The following DIS3L2 variants were observed in gnomAD, a reference collection of about 807,000 sequenced individuals.
The protein encoded by DIS3L2 is DIS3 like 3'-5' exoribonuclease 2, also known as DIS3-like exonuclease 2.
In DIS3L2, 34 loss-of-function variants were observed where a neutral mutation model predicts 97.5. The ratio of observed to expected loss-of-function variants is 0.35; its 90% confidence interval spans 0.27 to 0.46. DIS3L2 has a LOEUF of 0.46. Ranked by LOEUF, DIS3L2 falls within the 20% of genes least tolerant of loss-of-function variation. The pLI is 1.00. For missense variants in DIS3L2, 1,038 were observed against 1,146.0 expected (o/e 0.91, Z 1.36); for synonymous variants, 435 against 445.2 (o/e 0.98, Z 0.29).
At chr2:232,155,166 C>G (rs141627721) in intron 8 of DIS3L2, among the ~76,000 whole-genome samples, 6 of 143,778 alleles carry the variant, frequency 4.2e-5, no homozygotes, top group African/African-American at 1.8e-4. Context: ...CCGTCTTCTG[C>G]GTCGCTCACG....
chr2:232,071,550 G>A (rs991193180), intron 5 of DIS3L2, among the ~76,000 whole-genome samples: 1 of 151,712 alleles, frequency 6.6e-6, no homozygotes, highest in South Asian at 2.1e-4. Context: ...AAAGAAACCT[G>A]TTATTGAGCT....
intron 7 of DIS3L2, among the ~76,000 whole-genome samples, chr2:232,135,900 C>T (rs1574901912): frequency 1.3e-5 from 2 of 152,198 alleles, no homozygotes; most frequent in Non-Finnish European, 2.9e-5. Flanking sequence ...GACTCACTTT[C>T]TCAGAGAATA....
chr2:232,155,296 C>A (rs1466632323), intron 8 of DIS3L2, among the ~76,000 whole-genome samples: 1 of 152,134 alleles, frequency 6.6e-6, no homozygotes, highest in African/African-American at 2.4e-5. Context: ...ATATCAGGTC[C>A]ATCACTTCAC....
At chr2:232,342,323 C>T (rs959805391) in intron 13 of DIS3L2, among the ~76,000 whole-genome samples, 1 of 148,526 alleles carries the variant, frequency 6.7e-6, no homozygotes, top group African/African-American at 2.4e-5. Flanking sequence ...ATACACATAG[C>T]TTCAAATTCA....
chr2:232,220,181 C>T (rs1055336206), intron 10 of DIS3L2, among the ~76,000 whole-genome samples: 4 of 151,670 alleles, frequency 2.6e-5, no homozygotes, highest in East Asian at 1.9e-4. Flanking sequence ...TAGTGATGTG[C>T]GTCTGTAGTC....
At chr2:232,233,928 C>CCAAAAGAG (rs892729723) in intron 10 of DIS3L2, among the ~76,000 whole-genome samples, 70 of 152,270 alleles carry the variant, frequency 4.6e-4, no homozygotes, top group African/African-American at 1.5e-3. Context: ...ACAACGGGAA[C>CCAAAAGAG]CAAAAGAGCC....
At chr2:232,028,903 C>T (rs1488188092) in intron 4 of DIS3L2, among the ~76,000 whole-genome samples, 1 of 152,136 alleles carries the variant, frequency 6.6e-6, no homozygotes, top group Non-Finnish European at 1.5e-5. Context: ...CATAGCTAAA[C>T]TGGAAATTGA....
chr2:232,041,046 T>G, intron 5 of DIS3L2, among the ~76,000 whole-genome samples: 1 of 152,186 alleles, frequency 6.6e-6, no homozygotes, highest in Non-Finnish European at 1.5e-5. Context: ...AACTAAAAGC[T>G]TAGTGTTAGT....
At chr2:232,154,830 G>A (rs1357601909) in intron 8 of DIS3L2, among the ~76,000 whole-genome samples, 3 of 116,148 alleles carry the variant, frequency 2.6e-5, no homozygotes, top group Non-Finnish European at 5.3e-5. Flanking sequence ...TTTGATCTCA[G>A]ACTGCTGTGC....
intron 7 of DIS3L2, among the ~76,000 whole-genome samples, chr2:232,132,397 AC>A (rs1210692777): frequency 2.0e-5 from 3 of 152,172 alleles, no homozygotes; most frequent in Non-Finnish European, 2.9e-5. Flanking sequence ...GATGGCATAG[AC>A]CTATTTTTTC....
Position 232,293,800 on chromosome 2 carries a change from G to A in DIS3L2, c.1660-6240G>A, listed in dbSNP as rs189269379. 1.3e-3 allele frequency among the ~76,000 whole-genome samples: 194 copies of A among 152,332 alleles called. 1 individual carries two copies. Among genetic ancestry groups the A allele is most frequent in the Non-Finnish European group, 2.2e-3 (150 of 68,036 alleles). On this transcript the variant is annotated intron_variant, in intron 13 of 20. Transcript: ENST00000325385. The surrounding 1 kb of genome is among the most constrained non-coding windows in gnomAD (Gnocchi z 4.6). Reference sequence around the variant, plus strand: ...TTCATATCTCCAAAAGCAGGAAGCCGTCAAAGGTACTAAAGAGGGAAGTGT... The same window carrying A: ...TTCATATCTCCAAAAGCAGGAAGCCATCAAAGGTACTAAAGAGGGAAGTGT...
Position 232,189,107 on chromosome 2 carries a change from G to A in DIS3L2, c.1125-21219G>A, listed in dbSNP as rs567070293. On this transcript the variant is annotated intron_variant, in intron 9 of 20. Transcript: ENST00000325385. ...AATACCAAGTGCTGGCGAGGGTGCAGAGAAAGTGGATCACTCAAACGTTGC... is the reference window on the plus strand; with the variant it reads ...AATACCAAGTGCTGGCGAGGGTGCAAAGAAAGTGGATCACTCAAACGTTGC... Among the ~76,000 whole-genome samples the A allele has an allele frequency of 2.6e-5, 4 of 152,342 alleles. No individual in the cohort carries two copies. In the South Asian group the frequency reaches 8.3e-4, roughly 32 times the overall value.
chr2:232,105,058 T>G (rs1211363040), intron 6 of DIS3L2, among the ~76,000 whole-genome samples: 1 of 152,178 alleles, frequency 6.6e-6, no homozygotes, highest in Non-Finnish European at 1.5e-5. Flanking sequence ...GATCAAGTGG[T>G]CCGCCTGCCC....
At chr2:232,099,760 T>A (rs545459712) in intron 6 of DIS3L2, among the ~76,000 whole-genome samples, 6 of 152,300 alleles carry the variant, frequency 3.9e-5, no homozygotes, top group African/African-American at 1.4e-4. Context: ...ATTATACTAA[T>A]TGGTCTGTTC....
Position 231,990,325 on chromosome 2 carries a change from C to T in DIS3L2, c.-93-24510C>T, listed in dbSNP as rs185166198. On this transcript the variant is annotated intron_variant, in intron 1 of 20. Transcript: ENST00000325385. ...CTAAAGTACTTGTGTTTGACTTGTG[C>T]TTTTTGCCACTCTCCCTAGAATTTG... Among the ~76,000 whole-genome samples, 991 of 152,188 alleles carry T rather than the reference C, an allele frequency of 6.5e-3. 5 individuals carry two copies. Among genetic ancestry groups the T allele is most frequent in the Middle Eastern group, 0.02 (6 of 294 alleles).
chr2:232,121,496 C>A (rs1360710406), intron 6 of DIS3L2, among the ~76,000 whole-genome samples: 1 of 152,206 alleles, frequency 6.6e-6, no homozygotes, highest in Non-Finnish European at 1.5e-5. Flanking sequence ...CCAGCCCAGA[C>A]CTTCCTTTCT....
At chr2:232,087,758 T>A in intron 6 of DIS3L2, 37 bp downstream of exon 6, 4 of 1,471,988 alleles carry the variant, frequency 2.7e-6, no homozygotes, top group Non-Finnish European at 3.8e-6. Context: ...TTTTTTTAAG[T>A]ACACTGATTA....
intron 9 of DIS3L2, among the ~76,000 whole-genome samples, chr2:232,204,544 G>A (rs1691979079): frequency 6.6e-6 from 1 of 152,104 alleles, no homozygotes; most frequent in Non-Finnish European, 1.5e-5. Context: ...ATGAACTGGA[G>A]TCTCATTCTT....
intron 9 of DIS3L2, among the ~76,000 whole-genome samples, chr2:232,177,634 C>T (rs200127459): frequency 0.049 from 236 of 4,846 alleles, 9 homozygotes; most frequent in East Asian, 0.17. Context: ...TCATGTCCTT[C>T]GCCCACTTTT....
Sources: gnomAD v4.1 joint callset for allele counts (sites outside exome capture counted in the v4.1 genomes callset) on GRCh38, gnomAD v4.1.1 for gene constraint, Gnocchi (gnomAD v3.1) non-coding constraint, MANE v1.5 for transcripts, NCBI Gene and HGNC (gene_info 2026-07-23, HGNC 2026-07-21) for gene names.